The following MSRA variants were observed in gnomAD, a reference collection of about 807,000 sequenced individuals.
MSRA encodes the protein methionine sulfoxide reductase A.
MSRA carries 54 observed loss-of-function variants against 31.3 expected under a neutral mutation model. The ratio of observed to expected loss-of-function variants is 1.73; its 90% CI spans 1.39 to 2.17. The LOEUF (loss-of-function observed/expected upper bound fraction) is 2.17, where lower values mean the gene tolerates loss of function less well. Ranked by LOEUF, MSRA falls within the 30% of genes most tolerant of loss-of-function variation. The pLI is 0.00. For missense variants in MSRA, 507 were observed against 300.9 expected (o/e 1.69, Z -5.07); for synonymous variants, 169 against 116.5 (o/e 1.45, Z -2.90).
intron 1 of MSRA, among the ~76,000 whole-genome samples, chr8:10,085,594 AT>A (rs1477851559): frequency 2.0e-5 from 3 of 152,206 alleles, no homozygotes; most frequent in African/African-American, 7.2e-5. Flanking sequence ...ATGTGTCCAT[AT>A]TGAGGTATCA....
At chr8:10,107,643 C>A (rs973148792) in intron 1 of MSRA, among the ~76,000 whole-genome samples, 2 of 152,138 alleles carry the variant, frequency 1.3e-5, no homozygotes, top group Admixed American at 1.3e-4. Context: ...CACAAAAACC[C>A]AACATGCTGT....
chr8:10,327,928 G>GAACAACAAA (rs1802459711), intron 5 of MSRA, among the ~76,000 whole-genome samples: 3 of 149,038 alleles, frequency 2.0e-5, no homozygotes, highest in Admixed American at 6.7e-5. Context: ...TCAACAACTA[G>GAACAACAAA]AACAACAACA....
chr8:10,295,879 C>T (rs747447732), intron 3 of MSRA, among the ~76,000 whole-genome samples: 2 of 152,168 alleles, frequency 1.3e-5, no homozygotes, highest in African/African-American at 2.4e-5. Flanking sequence ...TGGGAAACGG[C>T]CTCTCCAGGG....
At position 10,229,274 on chromosome 8, in the gene MSRA, A is replaced by G. The variant is rs115838809; in HGVS notation, c.212-15830A>G. Among the ~76,000 whole-genome samples, 1,181 of 152,306 alleles carry G rather than the reference A, an allele frequency of 7.8e-3. 15 individuals are homozygous for G. The highest frequency in any genetic ancestry group is 0.027 in the African/African-American group (1,132 of 41,564). ...TGAGAAGGTCAATATATGAAGACGC[A>G]TTAAGCTTTTGCAAAGCTGTGGGTT... On this transcript the variant is annotated intron_variant, in intron 2 of 5. Coordinates refer to ENST00000317173, the MANE Select transcript of MSRA (RefSeq NM_012331.5).
intron 1 of MSRA, among the ~76,000 whole-genome samples, chr8:10,109,694 AT>A (rs544614991): frequency 1.7e-3 from 262 of 152,340 alleles, no homozygotes; most frequent in African/African-American, 6.0e-3. Context: ...TTGAAACTAT[AT>A]CACACTGTTT....
At chr8:10,214,533 C>T (rs548447590) in intron 2 of MSRA, among the ~76,000 whole-genome samples, 4 of 150,648 alleles carry the variant, frequency 2.7e-5, no homozygotes, top group African/African-American at 7.3e-5. Flanking sequence ...AACCGAGTCC[C>T]GGTGTGGCGT....
intron 1 of MSRA, among the ~76,000 whole-genome samples, chr8:10,056,721 C>T (rs1802395132): frequency 6.6e-6 from 1 of 152,146 alleles, no homozygotes; most frequent in Non-Finnish European, 1.5e-5. Flanking sequence ...CAGTGGGTTT[C>T]AGTAGCTGTA....
At chr8:10,364,236 C>T (rs546693404) in intron 5 of MSRA, among the ~76,000 whole-genome samples, 3 of 152,300 alleles carry the variant, frequency 2.0e-5, no homozygotes, top group African/African-American at 2.4e-5. Flanking sequence ...TCAGTCATTT[C>T]GGACTGTGGT....
intron 1 of MSRA, among the ~76,000 whole-genome samples, chr8:10,079,005 G>T (rs1203671871): frequency 6.6e-6 from 1 of 152,186 alleles, no homozygotes; most frequent in African/African-American, 2.4e-5. Flanking sequence ...CTGGACATTC[G>T]TGTTGTTCCA....
At chr8:10,113,248 C>G (rs1800416852) in intron 1 of MSRA, among the ~76,000 whole-genome samples, 1 of 127,848 alleles carries the variant, frequency 7.8e-6, no homozygotes, top group South Asian at 2.6e-4. Flanking sequence ...AGGGTGGAGC[C>G]CTACCTGGGC....
At chr8:10,256,059 G>A (rs1468307896) in intron 3 of MSRA, among the ~76,000 whole-genome samples, 1 of 152,086 alleles carries the variant, frequency 6.6e-6, no homozygotes, top group African/African-American at 2.4e-5. Flanking sequence ...TGAGTGACCT[G>A]TGTCCACCAT....
intron 1 of MSRA, among the ~76,000 whole-genome samples, chr8:10,143,397 C>T (rs1802868602): frequency 6.6e-6 from 1 of 152,158 alleles, no homozygotes; most frequent in Admixed American, 6.5e-5. Context: ...CCTGGTATGG[C>T]ATCCCAGTTT....
chr8:10,080,312 T>A (rs550990276), intron 1 of MSRA, among the ~76,000 whole-genome samples: 32 of 152,144 alleles, frequency 2.1e-4, no homozygotes, highest in African/African-American at 7.5e-4. Context: ...AGATTTTTTT[T>A]AAATCTTTTT....
intron 1 of MSRA, among the ~76,000 whole-genome samples, chr8:10,116,361 C>A (rs1249593156): frequency 1.3e-5 from 2 of 152,078 alleles, no homozygotes; most frequent in Non-Finnish European, 2.9e-5. Flanking sequence ...GATTGGACAC[C>A]CCCTGGACTA....
intron 5 of MSRA, among the ~76,000 whole-genome samples, chr8:10,380,003 C>A (rs927847444): frequency 6.6e-6 from 1 of 152,280 alleles, no homozygotes; most frequent in East Asian, 1.9e-4. Flanking sequence ...AGAGAGAATA[C>A]CCAACCTAAT....
chr8:10,300,318 C>T (rs1277059785), intron 3 of MSRA, among the ~76,000 whole-genome samples: 5 of 151,766 alleles, frequency 3.3e-5, no homozygotes, highest in Non-Finnish European at 7.4e-5. Context: ...TGCAGTGGTG[C>T]GATCTCGGCT....
At chr8:10,110,453 T>C (rs770359853) in intron 1 of MSRA, among the ~76,000 whole-genome samples, 23 of 152,210 alleles carry the variant, frequency 1.5e-4, no homozygotes, top group Non-Finnish European at 2.5e-4. Context: ...CACTGCTGGC[T>C]GGAAGTGGGG....
intron 2 of MSRA, among the ~76,000 whole-genome samples, chr8:10,217,880 G>C (rs949453980): frequency 6.6e-6 from 1 of 152,068 alleles, no homozygotes; most frequent in Non-Finnish European, 1.5e-5. Flanking sequence ...ATTGCAATTG[G>C]TTAATATAAA....
At chr8:10,068,185 A>C (rs1239387252) in intron 1 of MSRA, among the ~76,000 whole-genome samples, 1 of 152,038 alleles carries the variant, frequency 6.6e-6, no homozygotes, top group East Asian at 1.9e-4. Flanking sequence ...TGAGTGGCCT[A>C]TTGTTGAGTT....
Sources: gnomAD v4.1 joint callset for allele counts (sites outside exome capture counted in the v4.1 genomes callset) on GRCh38, gnomAD v4.1.1 for gene constraint, MANE v1.5 for transcripts, NCBI Gene and HGNC (gene_info 2026-07-23, HGNC 2026-07-21) for gene names.